The following EML2 variants were observed in gnomAD, a reference collection of about 807,000 sequenced individuals.
The protein encoded by EML2 is EMAP like 2.
A neutral mutation model predicts 84.7 loss-of-function variants in EML2; 59 were observed. The ratio of observed to expected loss-of-function variants is 0.70; its 90% CI spans 0.56 to 0.86. The LOEUF (loss-of-function observed/expected upper bound fraction) is 0.86, where lower values mean the gene tolerates loss of function less well. Among genes scored for constraint, EML2 ranks in the 40% least tolerant of loss-of-function variants. The probability of loss-of-function intolerance (pLI) is 0.00; values close to 1 mark genes in which losing one functional copy is unlikely to be tolerated. For missense variants in EML2, 818 were observed against 855.6 expected (o/e 0.96, Z 0.55); for synonymous variants, 352 against 348.9 (o/e 1.01, Z -0.10).
upstream of EML2, chr19:45,642,985 A>G (rs80186451): frequency 1.1e-5 from 1 of 87,248 alleles, no homozygotes; most frequent in Non-Finnish European, 2.6e-5. Flanking sequence ...ACTCCGTCTC[A>G]AAAAAAAAAA....
In EML2 at chr19:45,626,845, G is replaced by C. The variant is rs376739909; in HGVS notation, c.607-6C>G. The C allele has an allele frequency of 2.7e-5, 43 of 1,606,910 alleles. No homozygotes were observed. The highest frequency in any genetic ancestry group is 1.4e-4 in the Admixed American group (8 of 58,802). On this transcript the variant is annotated splice_polypyrimidine_tract_variant and splice_region_variant and intron_variant, in intron 7 of 18. Transcript: ENST00000245925. ...AATACAGCCTCATTGGAGCACTTTG[G>C]GGGGTGGGGGAGATTCTGAATGAGG...
rs1174104539 is a variant in EML2, at chr19:45,632,977, G to A, written c.400-6C>T. The A allele has an allele frequency of 6.2e-7, 1 of 1,613,062 alleles. No homozygotes were observed. The highest frequency in any genetic ancestry group is 1.3e-5 in the African/African-American group (1 of 74,858). ...CGCACGTGGGGCGGCAGCGGCTGCA[G>A]GGAAGAGAGGCTTGTTACCTTGGGG... On this transcript the variant is annotated splice_region_variant and splice_polypyrimidine_tract_variant and intron_variant, in intron 5 of 18. Transcript: ENST00000245925.
chr19:45,639,189 G>A, intron 1 of EML2, 168 bp downstream of exon 1: 1 of 781,210 alleles, frequency 1.3e-6, no homozygotes, highest in South Asian at 2.2e-5. Flanking sequence ...CCCCCCACCC[G>A]CAGTTCCCCC....
At position 45,617,450 on chromosome 19, in the gene EML2, C is replaced by G. The variant is rs539648793; in HGVS notation, c.1322+180G>C. Among the ~76,000 whole-genome samples the G allele has an allele frequency of 2.6e-5, 4 of 151,316 alleles. No homozygotes were observed. The South Asian group carries it at 8.4e-4, about 32-fold the overall frequency. ...GTGGGCGCCTGTAATCCCAGCTACTCGGGAGGCTGAGGCAGGCAAATCGCT... is the reference window on the plus strand; with the variant it reads ...GTGGGCGCCTGTAATCCCAGCTACTGGGGAGGCTGAGGCAGGCAAATCGCT... On this transcript the variant is annotated intron_variant, in intron 13 of 18. Transcript: ENST00000245925.
upstream of EML2, chr19:45,644,628 C>G: frequency 2.2e-6 from 1 of 454,136 alleles, no homozygotes; most frequent in Non-Finnish European, 4.4e-6. Context: ...ACCATCCCCC[C>G]ATCCTCAGCC....
At chr19:45,616,244 A>G (rs1971052276) in intron 15 of EML2, 1 of 567,772 alleles carries the variant, frequency 1.8e-6, no homozygotes, top group Non-Finnish European at 3.1e-6. Flanking sequence ...GGGCGGGGCT[A>G]CACAGATGGG....
chr19:45,627,593 A>G (rs972852375), intron 7 of EML2, among the ~76,000 whole-genome samples: 1 of 152,228 alleles, frequency 6.6e-6, no homozygotes, highest in African/African-American at 2.4e-5. Context: ...TACAGGAAGC[A>G]GGACAAGCCA....
intron 11 of EML2, among the ~76,000 whole-genome samples, chr19:45,620,652 G>A (rs1971573323): frequency 6.6e-6 from 1 of 150,692 alleles, no homozygotes. Flanking sequence ...AGTTTGCAAT[G>A]AGCCGAGATT....
chr19:45,624,147 A>T (rs1269177722), intron 9 of EML2, among the ~76,000 whole-genome samples: 2 of 152,220 alleles, frequency 1.3e-5, no homozygotes, highest in African/African-American at 4.8e-5. Flanking sequence ...ACAACCATTC[A>T]TTCATTCACT....
At chr19:45,642,112 C>A (rs1305968304), upstream of EML2, 2 of 1,471,814 alleles carry the variant, frequency 1.4e-6, no homozygotes, top group Non-Finnish European at 1.8e-6. Flanking sequence ...CCCATCCCAC[C>A]CCTCCAGTCT....
At chr19:45,613,823 C>G in intron 17 of EML2, 152 bp from the exon 18 acceptor site, 1 of 959,470 alleles carries the variant, frequency 1.0e-6, no homozygotes, top group Non-Finnish European at 1.5e-6. Flanking sequence ...AATGTGAATC[C>G]GAGCCTGCCC....
upstream of EML2, chr19:45,644,931 C>T: frequency 9.1e-6 from 4 of 440,406 alleles, no homozygotes; most frequent in Non-Finnish European, 1.3e-5. Flanking sequence ...GATAGGGGAG[C>T]ATTCCAGAAG....
At chr19:45,626,960 C>CTT (rs5828242) in intron 7 of EML2, 121 bp from the exon 8 acceptor site, 68,338 of 521,738 alleles carry the variant, frequency 0.13, 1,742 homozygotes, top group East Asian at 0.21. Context: ...CTGAACTTTT[C>CTT]TTTTTTTTTT....
In EML2 at chr19:45,626,753, G is replaced by A; in HGVS notation, c.693C>T (p.Phe231=). ...TCAAGCTGCCCCCCTCCAAGGTCCA[G>A]AAGTAGATGTGAGATTTCCCGCAGG... The part of the protein sequence containing the change: ...LITCGKSHIY[F]WTLEGGSLSK... The change falls in exon 8 of 19, where the codon TTC becomes TTT. Residue 231 remains phenylalanine, a synonymous_variant. Coordinates refer to ENST00000245925, the MANE Select transcript of EML2 (RefSeq NM_012155.4). 1 of 1,613,946 alleles carries A rather than the reference G, an allele frequency of 6.2e-7. No homozygotes were observed. The highest frequency in any genetic ancestry group is 8.5e-7 in the Non-Finnish European group (1 of 1,179,958).
Position 45,613,542 on chromosome 19 carries a change from C to T in EML2, c.1823G>A (p.Arg608Gln), listed in dbSNP as rs967203926. Residue 608 changes from arginine (R) to glutamine (Q), a missense_variant and splice_region_variant, in exon 18 of 19, where the codon CGA becomes CAA. Arg to Gln is a conservative substitution (Grantham distance 43, BLOSUM62 1). Coordinates refer to ENST00000245925, the MANE Select transcript of EML2 (RefSeq NM_012155.4). The stretch of plus-strand genomic sequence containing the variant: ...TCCCCATCTCCCCAAGGGACTCACT[C>T]GAGGCTGACAGCAGGGGTAGCTAAA... ...HLFSYPCCQPRALSHKYGGHS... is the reference protein window; with the variant it reads ...HLFSYPCCQPQALSHKYGGHS... The T allele has an allele frequency of 5.6e-6, 9 of 1,613,732 alleles. No individual in the cohort carries two copies. Among genetic ancestry groups the T allele is most frequent in the East Asian group, 4.5e-5 (2 of 44,880 alleles).
At chr19:45,644,930 G>T (rs188779769), upstream of EML2, 3 of 439,396 alleles carry the variant, frequency 6.8e-6, no homozygotes, top group Non-Finnish European at 1.3e-5. Context: ...AGATAGGGGA[G>T]CATTCCAGAA....
intron 2 of EML2, 55 bp downstream of exon 2, chr19:45,638,790 C>A: frequency 6.2e-7 from 1 of 1,607,870 alleles, no homozygotes; most frequent in Non-Finnish European, 8.5e-7. Flanking sequence ...CTGGCTCCAG[C>A]CTGTCACCCC....
chr19:45,645,538 C>T (rs1974975290), upstream of EML2: 1 of 1,151,608 alleles, frequency 8.7e-7, no homozygotes, highest in Non-Finnish European at 1.2e-6. Context: ...CGGGACACCG[C>T]CTGCCAAGCC....
At chr19:45,634,576 T>A (rs948134032) in intron 3 of EML2, 105 bp from the exon 4 acceptor site, 23 of 882,784 alleles carry the variant, frequency 2.6e-5, no homozygotes, top group Non-Finnish European at 3.1e-5. Flanking sequence ...TTATTTATTT[T>A]TTTGAGATGG....
Sources: gnomAD v4.1 joint callset for allele counts (sites outside exome capture counted in the v4.1 genomes callset) on GRCh38, gnomAD v4.1.1 for gene constraint, MANE v1.5 for transcripts, NCBI Gene and HGNC (gene_info 2026-07-23, HGNC 2026-07-21) for gene names.